Variants in SLC14A2 observed in about 807,000 individuals in gnomAD.
SLC14A2 encodes solute carrier family 14 member 2, also known as urea transporter 2.
Under a neutral mutation model 104.6 loss-of-function variants are expected in SLC14A2, and 91 were observed. The observed-to-expected ratio is 0.87, with a 90% CI of 0.73 to 1.04. SLC14A2 has a LOEUF of 1.04. SLC14A2 is among the 50% of genes least tolerant of loss of function. The pLI, the probability that SLC14A2 is intolerant of heterozygous loss-of-function variation, is 0.00. For missense variants in SLC14A2, 1,189 were observed against 1,156.0 expected (o/e 1.03, Z -0.41); for synonymous variants, 476 against 466.4 (o/e 1.02, Z -0.27).
At chr18:45,596,644 T>C (rs574359121) in intron 2 of SLC14A2, among the ~76,000 whole-genome samples, 2 of 152,356 alleles carry the variant, frequency 1.3e-5, no homozygotes, top group East Asian at 3.9e-4. Flanking sequence ...GAAGCTATTG[T>C]TCACATGCAG....
At chr18:45,665,977 A>G (rs2046015839) in intron 11 of SLC14A2, among the ~76,000 whole-genome samples, 160 bp from the exon 12 acceptor site, 1 of 152,176 alleles carries the variant, frequency 6.6e-6, no homozygotes, top group African/African-American at 2.4e-5. Context: ...AAAGAACAAA[A>G]GAGCCTTCGA....
intron 1 of SLC14A2, among the ~76,000 whole-genome samples, chr18:45,333,905 G>A (rs2085313483): frequency 6.6e-6 from 1 of 152,168 alleles, no homozygotes. Flanking sequence ...CTTAAAAAGT[G>A]TCTGTTGAAA....
At chr18:45,252,939 T>G (rs149202044) in intron 1 of SLC14A2, among the ~76,000 whole-genome samples, 191 of 152,192 alleles carry the variant, frequency 1.3e-3, no homozygotes, top group African/African-American at 4.2e-3. Flanking sequence ...TTTGAACATT[T>G]CTACAGATAA....
At chr18:45,214,629 G>A (rs1376046784) in intron 1 of SLC14A2, among the ~76,000 whole-genome samples, 1 of 152,034 alleles carries the variant, frequency 6.6e-6, no homozygotes, top group African/African-American at 2.4e-5. Context: ...AGATGTTGGG[G>A]CAGGGAAGAG....
chr18:45,391,745 T>C (rs1444094406), intron 1 of SLC14A2, among the ~76,000 whole-genome samples: 1 of 152,258 alleles, frequency 6.6e-6, no homozygotes, highest in African/African-American at 2.4e-5. Context: ...TGTCTGTTCA[T>C]ATCCTTCGCC....
intron 10 of SLC14A2, among the ~76,000 whole-genome samples, chr18:45,658,958 A>G (rs1249617022): frequency 6.6e-6 from 1 of 152,148 alleles, no homozygotes; most frequent in Non-Finnish European, 1.5e-5. Flanking sequence ...GCCTATTAAA[A>G]CACAGGATGA....
chr18:45,209,160 C>T (rs539228575), upstream of SLC14A2, among the ~76,000 whole-genome samples: 3 of 147,326 alleles, frequency 2.0e-5, no homozygotes, highest in African/African-American at 5.1e-5. Context: ...CACGGTGAAA[C>T]CCCATCTCTA....
intron 2 of SLC14A2, among the ~76,000 whole-genome samples, chr18:45,586,840 G>C (rs1460898789): frequency 2.0e-5 from 3 of 152,188 alleles, no homozygotes; most frequent in African/African-American, 7.2e-5. Flanking sequence ...GGGATCAGAG[G>C]GGGAGTCTTG....
At chr18:45,498,969 G>A (rs1490138940) in intron 2 of SLC14A2, among the ~76,000 whole-genome samples, 5 of 152,168 alleles carry the variant, frequency 3.3e-5, no homozygotes, top group African/African-American at 1.2e-4. Flanking sequence ...AGCCTCTGCA[G>A]TTTTGTCACT....
At chr18:45,326,442 C>T (rs542196853) in intron 1 of SLC14A2, among the ~76,000 whole-genome samples, 56 of 152,142 alleles carry the variant, frequency 3.7e-4, no homozygotes, top group African/African-American at 1.3e-3. Flanking sequence ...TATAGGAAAG[C>T]TACTGATGAA....
At chr18:45,381,758 G>A (rs2085838226) in intron 1 of SLC14A2, among the ~76,000 whole-genome samples, 3 of 152,146 alleles carry the variant, frequency 2.0e-5, no homozygotes, top group Non-Finnish European at 1.5e-5. Flanking sequence ...AGGGTGGTGA[G>A]TGGCACCAGG....
At chr18:45,308,657 C>T (rs969997765) in intron 1 of SLC14A2, among the ~76,000 whole-genome samples, 2 of 152,162 alleles carry the variant, frequency 1.3e-5, no homozygotes, top group Non-Finnish European at 2.9e-5. Flanking sequence ...AGTGCCGCCT[C>T]CCTCCCTTCC....
chr18:45,293,202 T>A (rs2084887129), intron 1 of SLC14A2, among the ~76,000 whole-genome samples: 1 of 152,138 alleles, frequency 6.6e-6, no homozygotes, highest in Non-Finnish European at 1.5e-5. Flanking sequence ...TGCAAAACAC[T>A]CCAGTGTGTG....
At chr18:45,199,486 T>C in the SLC14A2 span, among the ~76,000 whole-genome samples, 1 of 152,218 alleles carries the variant, frequency 6.6e-6, no homozygotes, top group Admixed American at 6.5e-5. Flanking sequence ...ACAATTTCAT[T>C]AATTGTGTCA....
intron 1 of SLC14A2, among the ~76,000 whole-genome samples, chr18:45,446,718 A>T (rs879354149): frequency 1.3e-5 from 2 of 152,334 alleles, no homozygotes; most frequent in Admixed American, 1.3e-4. Flanking sequence ...CACCTCGCAC[A>T]GGTCTGTGCA....
At chr18:45,585,354 C>A (rs527475563) in intron 2 of SLC14A2, among the ~76,000 whole-genome samples, 35 of 152,302 alleles carry the variant, frequency 2.3e-4, no homozygotes, top group Admixed American at 1.4e-3. Flanking sequence ...TGCCTCCCCT[C>A]TCTAGAATAT....
At chr18:45,586,861 G>A (rs995118515) in intron 2 of SLC14A2, among the ~76,000 whole-genome samples, 11 of 152,024 alleles carry the variant, frequency 7.2e-5, no homozygotes, top group African/African-American at 2.7e-4. Context: ...GGGGTATGAG[G>A]AGCAGTGGAG....
At chr18:45,277,615 C>T (rs2084716090) in intron 1 of SLC14A2, among the ~76,000 whole-genome samples, 1 of 152,120 alleles carries the variant, frequency 6.6e-6, no homozygotes, top group Non-Finnish European at 1.5e-5. Flanking sequence ...TGCCATGTTG[C>T]TCAGGCTGGT....
At chr18:45,278,236 G>A (rs1480927343) in intron 1 of SLC14A2, among the ~76,000 whole-genome samples, 1 of 152,138 alleles carries the variant, frequency 6.6e-6, no homozygotes, top group African/African-American at 2.4e-5. Flanking sequence ...TTGTGCTTTT[G>A]GTGGAAGGAA....
Sources: gnomAD v4.1 joint callset for allele counts (sites outside exome capture counted in the v4.1 genomes callset) on GRCh38, gnomAD v4.1.1 for gene constraint, MANE v1.5 for transcripts, NCBI Gene and HGNC (gene_info 2026-07-23, HGNC 2026-07-21) for gene names.